The following CAMTA1 variants were observed in gnomAD, a reference collection of about 807,000 sequenced individuals.
The protein encoded by CAMTA1 is calmodulin-binding transcription activator 1.
A neutral mutation model predicts 170.9 loss-of-function variants in CAMTA1; 27 were observed. The observed-to-expected ratio is 0.16, with a 90% CI of 0.12 to 0.22. CAMTA1 has a LOEUF of 0.22. Among genes scored for constraint, CAMTA1 ranks in the 10% least tolerant of loss-of-function variants. CAMTA1 has a pLI of 1.00. For synonymous variants in CAMTA1, 833 were observed against 891.5 expected (o/e 0.93, Z 1.17); for missense variants, 1,619 against 2,217.2 (o/e 0.73, Z 5.42).
intron 6 of CAMTA1, among the ~76,000 whole-genome samples, chr1:7,508,988 G>A (rs1026113653): frequency 2.0e-5 from 3 of 152,272 alleles, no homozygotes; most frequent in Non-Finnish European, 2.9e-5. Context: ...GAGACCAGGC[G>A]CTACAGGCTA....
chr1:7,563,951 C>T (rs1023492929), intron 6 of CAMTA1, among the ~76,000 whole-genome samples: 10 of 151,926 alleles, frequency 6.6e-5, no homozygotes, highest in South Asian at 2.1e-4. Context: ...GAGGGTAAAG[C>T]GAGGAGGGGC....
intron 3 of CAMTA1, among the ~76,000 whole-genome samples, chr1:6,889,297 G>A (rs1025877693): frequency 4.6e-5 from 7 of 152,214 alleles, no homozygotes; most frequent in Admixed American, 4.6e-4. Context: ...AATTTTCTGA[G>A]GTGAAGAAAT....
rs1414843170 is a variant in CAMTA1, at chr1:7,592,550, G to A, written c.511-47850G>A. Among the ~76,000 whole-genome samples, 1 of 152,140 alleles carries A rather than the reference G, an allele frequency of 6.6e-6. No homozygotes were observed. The highest frequency in any genetic ancestry group is 6.5e-5 in the Admixed American group (1 of 15,270). On this transcript the variant is annotated intron_variant, in intron 6 of 22. Transcript: ENST00000303635. The surrounding 1 kb of genome is among the most constrained non-coding windows in gnomAD (Gnocchi z 4.6). The stretch of plus-strand genomic sequence containing the variant: ...CTCTGGGGGTCCTCTGATGACCAGG[G>A]CAGGGACTCTTAGGGACACAGGGCC...
chr1:7,230,594 C>T (rs948189928), intron 4 of CAMTA1, among the ~76,000 whole-genome samples: 1 of 152,218 alleles, frequency 6.6e-6, no homozygotes, highest in Non-Finnish European at 1.5e-5. Flanking sequence ...CTGCAGTTGG[C>T]TGTCTTAGGT....
At chr1:7,560,536 G>A (rs199841903) in intron 6 of CAMTA1, among the ~76,000 whole-genome samples, 1 of 152,222 alleles carries the variant, frequency 6.6e-6, no homozygotes, top group South Asian at 2.1e-4. Flanking sequence ...AGGATACTTG[G>A]CCATCTGGGC....
chr1:7,385,416 T>C (rs1395275846), intron 5 of CAMTA1, among the ~76,000 whole-genome samples: 1 of 152,244 alleles, frequency 6.6e-6, no homozygotes, highest in African/African-American at 2.4e-5. Flanking sequence ...ACGTTTCAAG[T>C]TGAATCTGTT....
At chr1:7,559,223 C>T (rs1400282629) in intron 6 of CAMTA1, among the ~76,000 whole-genome samples, 1 of 152,194 alleles carries the variant, frequency 6.6e-6, no homozygotes, top group Non-Finnish European at 1.5e-5. Flanking sequence ...CAGAGCCTCC[C>T]ACGCACCCCA....
intron 3 of CAMTA1, among the ~76,000 whole-genome samples, chr1:6,925,913 C>A (rs1041545044): frequency 1.3e-5 from 2 of 152,202 alleles, no homozygotes; most frequent in African/African-American, 2.4e-5. Context: ...GCCTCCTCCC[C>A]CTCCCGGCTC....
chr1:7,227,864 GCCCCTGCACA>G (rs1662003004), intron 4 of CAMTA1, among the ~76,000 whole-genome samples: 1 of 152,020 alleles, frequency 6.6e-6, no homozygotes, highest in East Asian at 1.9e-4. Context: ...CTCACCCAGG[GCCCCTGCACA>G]TGGGGACTCG....
chr1:7,521,838 C>T (rs61772250), intron 6 of CAMTA1, among the ~76,000 whole-genome samples: 38,716 of 152,204 alleles, frequency 0.25, 5,560 homozygotes, highest in Non-Finnish European at 0.31. Flanking sequence ...TGAGCCACTG[C>T]GCTCACTCCA....
chr1:7,258,084 G>A (rs149105287), intron 5 of CAMTA1, among the ~76,000 whole-genome samples: 127 of 152,298 alleles, frequency 8.3e-4, no homozygotes, highest in Non-Finnish European at 1.4e-3. Context: ...AAAACGTGAG[G>A]ACTTCCAGAT....
intron 1 of CAMTA1, among the ~76,000 whole-genome samples, chr1:6,807,940 C>A (rs1644715440): frequency 6.6e-6 from 1 of 151,806 alleles, no homozygotes; most frequent in Admixed American, 6.6e-5. Context: ...CAAGACAAGT[C>A]ATAATGCTTT....
chr1:7,295,554 A>G (rs570394462), intron 5 of CAMTA1, among the ~76,000 whole-genome samples: 25 of 152,370 alleles, frequency 1.6e-4, no homozygotes, highest in African/African-American at 5.8e-4. Flanking sequence ...ATTAAGCAGT[A>G]TATTCCAAAT....
chr1:7,530,812 GTT>G (rs34013817), intron 6 of CAMTA1, among the ~76,000 whole-genome samples: 3 of 100,772 alleles, frequency 3.0e-5, no homozygotes, highest in African/African-American at 7.7e-5. Context: ...GTGAGCTCTT[GTT>G]TTTTTTTTTT....
chr1:7,171,805 G>A (rs1649665316), intron 4 of CAMTA1, among the ~76,000 whole-genome samples: 1 of 152,132 alleles, frequency 6.6e-6, no homozygotes, highest in Non-Finnish European at 1.5e-5. Flanking sequence ...GCACTCAGCT[G>A]CCTTCTGTCT....
intron 3 of CAMTA1, among the ~76,000 whole-genome samples, chr1:6,826,649 A>G (rs1254324632): frequency 2.0e-5 from 3 of 152,308 alleles, no homozygotes; most frequent in Non-Finnish European, 4.4e-5. Context: ...ATGTAACCCA[A>G]CCCATAATAA....
chr1:7,479,929 A>G lies in CAMTA1; in HGVS notation c.510+12028A>G, dbSNP rs529743504. 7.5e-4 allele frequency among the ~76,000 whole-genome samples: 76 copies of G among 100,832 alleles called. 2 individuals are homozygous for G. The South Asian group carries it at 0.019, about 25-fold the overall frequency. 66.1% of individuals were successfully genotyped at this position (100,832 alleles called of 152,430 possible). A position where few individuals can be genotyped will look rare whatever the true frequency, so the allele number is the denominator to read the frequency against. ...TGTGTGTGCATGTGTGTGAATGTGT[A>G]TATGTGTGTATGAGTGTATGTCAGT... On this transcript the variant is annotated intron_variant, in intron 6 of 22. Transcript: ENST00000303635.
chr1:7,388,772 A>G (rs1249994468), intron 5 of CAMTA1, among the ~76,000 whole-genome samples: 1 of 152,124 alleles, frequency 6.6e-6, no homozygotes. Context: ...AGTTACCAGG[A>G]ACTGAGTTGT....
At chr1:7,584,654 T>G (rs1576234461) in intron 6 of CAMTA1, among the ~76,000 whole-genome samples, 1 of 152,188 alleles carries the variant, frequency 6.6e-6, no homozygotes, top group Non-Finnish European at 1.5e-5. Flanking sequence ...TCTGCCCCCA[T>G]GGGGTTTATA....
Sources: gnomAD v4.1 joint callset for allele counts (sites outside exome capture counted in the v4.1 genomes callset) on GRCh38, gnomAD v4.1.1 for gene constraint, Gnocchi (gnomAD v3.1) non-coding constraint, MANE v1.5 for transcripts, NCBI Gene and HGNC (gene_info 2026-07-23, HGNC 2026-07-21) for gene names.